Variants in CCT4 observed in about 807,000 individuals in gnomAD.
The protein encoded by CCT4 is T-complex protein 1 subunit delta.
In CCT4, 17 loss-of-function variants were observed where a neutral mutation model predicts 62.5. That is an observed-to-expected ratio of 0.27 (90% CI 0.19 to 0.41). The LOEUF (loss-of-function observed/expected upper bound fraction) is 0.41. CCT4 is among the 10% of genes least tolerant of loss of function. The pLI is 1.00. For missense variants in CCT4, 592 were observed against 659.2 expected (o/e 0.90, Z 1.12); for synonymous variants, 250 against 229.9 (o/e 1.09, Z -0.79).
intron 3 of CCT4, among the ~76,000 whole-genome samples, 190 bp from the exon 4 acceptor site, chr2:61,880,584 T>C (rs1669091265): frequency 6.6e-6 from 1 of 152,226 alleles, no homozygotes; most frequent in Non-Finnish European, 1.5e-5. Flanking sequence ...CCAGTTCAGA[T>C]TGTGGGTTGT....
Position 61,883,560 on chromosome 2 carries a change from A to C in CCT4, c.181-12T>G, listed in dbSNP as rs371430850. 1.6e-4 allele frequency: 225 copies of C among 1,400,754 alleles called. 2 individuals are homozygous for C. In the African/African-American group the frequency reaches 2.9e-3, roughly 18 times the overall value. 86.8% of individuals were successfully genotyped at this position (1,400,754 alleles called of 1,614,324 possible). ...TTTCCATCTTGAATCTAGAAAAAAA[A>C]TTTTAAAGTTATATTTCAATGTCAC... On this transcript the variant is annotated splice_polypyrimidine_tract_variant and intron_variant, in intron 2 of 13. Coordinates refer to ENST00000394440, the MANE Select transcript of CCT4 (RefSeq NM_006430.4).
intron 3 of CCT4, 94 bp from the exon 4 acceptor site, chr2:61,880,488 T>C: frequency 1.4e-6 from 1 of 723,360 alleles, no homozygotes; most frequent in Non-Finnish European, 2.4e-6. Flanking sequence ...ACAAACAGAA[T>C]TTGAAGATGC....
In CCT4 at chr2:61,880,354, T is replaced by C; in HGVS notation, c.311A>G (p.Asp104Gly). 2 of 1,607,054 alleles carry C rather than the reference T, an allele frequency of 1.2e-6. No homozygotes were observed. Among genetic ancestry groups the C allele is most frequent in the Non-Finnish European group, 1.7e-6 (2 of 1,178,036 alleles). The change falls in exon 4 of 14, where the codon GAT becomes GGT. Residue 104 changes from aspartate to glycine, a missense_variant. Asp to Gly is a moderately conservative substitution (Grantham distance 94). Around this residue, in one of 3 missense-constraint regions of CCT4, gnomAD observed 522 missense variants for 571.2 expected, o/e 0.91. Coordinates refer to ENST00000394440, the MANE Select transcript of CCT4 (RefSeq NM_006430.4). ...LSKAQDIEAG[D>G]GTTSVVIIAG... Reference sequence around the variant, plus strand: ...AATGATGACTACTGATGTGGTGCCATCTCCTGCTTCTATATCTTGAGCCTT... The same window carrying C: ...AATGATGACTACTGATGTGGTGCCACCTCCTGCTTCTATATCTTGAGCCTT...
chr2:61,886,984 C>T (rs1175608769), intron 1 of CCT4, among the ~76,000 whole-genome samples: 2 of 152,114 alleles, frequency 1.3e-5, no homozygotes, highest in Non-Finnish European at 2.9e-5. Context: ...GTCTTGAACT[C>T]CTGACCTCAT....
intron 9 of CCT4, 28 bp downstream of exon 9, chr2:61,873,169 T>G (rs546053203): frequency 1.4e-6 from 2 of 1,448,922 alleles, no homozygotes; most frequent in Middle Eastern, 1.7e-4. Context: ...TCAGACATTT[T>G]CCACAAATAC....
Position 61,883,773 on chromosome 2 carries a change from GACACACACACAC to G in CCT4, c.181-237_181-226del, listed in dbSNP as rs59031193. Among the ~76,000 whole-genome samples, 519 of 143,938 alleles carry G rather than the reference GACACACACACAC, an allele frequency of 3.6e-3. 5 individuals carry two copies. Among genetic ancestry groups the G allele is most frequent in the African/African-American group, 0.011 (441 of 39,152 alleles). 94.4% of individuals were successfully genotyped at this position (143,938 alleles called of 152,430 possible). A position where few individuals can be genotyped will look rare whatever the true frequency, so the allele number is the denominator to read the frequency against. On this transcript the variant is annotated intron_variant, in intron 2 of 13. Coordinates refer to ENST00000394440, the MANE Select transcript of CCT4 (RefSeq NM_006430.4). Reference sequence around the variant, plus strand: ...GGTAATCTAAAAGTGAAGAAATGTAGACACACACACACACACACACACACACACACACACACA... The same window carrying G: ...GGTAATCTAAAAGTGAAGAAATGTAGACACACACACACACACACACACACA...
rs190655756 is a variant in CCT4, at chr2:61,875,407, T to A, written c.917+688A>T. Among the ~76,000 whole-genome samples the A allele has an allele frequency of 2.0e-3, 295 of 150,884 alleles. 1 individual carries two copies. The highest frequency in any genetic ancestry group is 6.8e-3 in the African/African-American group (278 of 41,128). On this transcript the variant is annotated intron_variant, in intron 8 of 13. Transcript: ENST00000394440. Reference sequence around the variant, plus strand: ...TCCTGGCTAACATGGTAAAACCCCATCTCTACTCAAAAAATACAAAAAATT... The same window carrying A: ...TCCTGGCTAACATGGTAAAACCCCAACTCTACTCAAAAAATACAAAAAATT...
At position 61,876,317 on chromosome 2, in the gene CCT4, T is replaced by C. The variant is rs546404794; in HGVS notation, c.778-83A>G. 8.7e-6 allele frequency: 9 copies of C among 1,032,030 alleles called. No homozygotes were observed. In the South Asian group the frequency reaches 1.4e-4, roughly 16 times the overall value. 63.9% of individuals were successfully genotyped at this position (1,032,030 alleles called of 1,614,324 possible). On this transcript the variant is annotated intron_variant, in intron 7 of 13. Transcript: ENST00000394440. ...GAATTTTAAGCGAAAATACTATGTG[T>C]TGTATAAATTCAACCAAAACTATAT...
At chr2:61,884,940 G>A in intron 2 of CCT4, 80 bp downstream of exon 2, 1 of 1,241,224 alleles carries the variant, frequency 8.1e-7, no homozygotes, top group East Asian at 2.5e-5. Flanking sequence ...TTTTTAAACA[G>A]CACATCTAAC....
At chr2:61,871,192 T>C (rs1045222515) in intron 12 of CCT4, among the ~76,000 whole-genome samples, 7 of 151,936 alleles carry the variant, frequency 4.6e-5, no homozygotes, top group Non-Finnish European at 8.8e-5. Context: ...CCACTTCGCC[T>C]GGCTAATTTT....
In CCT4 at chr2:61,876,980, G is replaced by C; in HGVS notation, c.717C>G (p.Thr239=). The change falls in exon 7 of 14, where the codon ACC becomes ACG. Residue 239 remains threonine, a synonymous_variant. Transcript: ENST00000394440. ...LTQKVSNSGI[T]RVEKAKIGLI... ...GCCCAATCTTGGCCTTTTCAACTCT[G>C]GTTATGCCAGAATTTGACACTTTTT... 1.2e-6 allele frequency: 2 copies of C among 1,613,658 alleles called. No homozygotes were observed. The highest frequency in any genetic ancestry group is 1.7e-6 in the Non-Finnish European group (2 of 1,179,632).
intron 1 of CCT4, chr2:61,885,942 A>G (rs904317612): frequency 1.3e-5 from 2 of 152,332 alleles, no homozygotes; most frequent in Admixed American, 6.5e-5. Context: ...AGTATTTCAA[A>G]TTAGGAATGC....
In CCT4 at chr2:61,886,836, G is replaced by C. The variant is rs1456763316; in HGVS notation, c.127+1545C>G. On this transcript the variant is annotated intron_variant, in intron 1 of 13. Transcript: ENST00000394440. The stretch of plus-strand genomic sequence containing the variant: ...GTGCAATGGCGCGACGTCAGTTCAC[G>C]GCAACCTCCGCCTCCCAGGTTCAAG... Among the ~76,000 whole-genome samples, 4 of 151,480 alleles carry C rather than the reference G, an allele frequency of 2.6e-5. No homozygotes were observed. In the East Asian group the frequency reaches 7.8e-4, roughly 29 times the overall value.
chr2:61,878,419 AG>A (rs898379041), intron 5 of CCT4, among the ~76,000 whole-genome samples: 3 of 152,176 alleles, frequency 2.0e-5, no homozygotes, highest in South Asian at 2.1e-4. Flanking sequence ...TTACTCCTCT[AG>A]ATCTACTCTT....
chr2:61,888,635 G>A lies in CCT4; in HGVS notation c.-128C>T. The A allele has an allele frequency of 8.8e-7, 1 of 1,132,360 alleles. No individual in the cohort carries two copies. The highest frequency in any genetic ancestry group is 1.2e-6 in the Non-Finnish European group (1 of 826,526). 70.1% of individuals were successfully genotyped at this position (1,132,360 alleles called of 1,614,324 possible). ...CTTCCAGAAAGCGGCGCCGGCGTCG[G>A]GAGGAGGCGGAGGCGGAGAAGGGGG... On this transcript the variant is annotated 5_prime_UTR_variant, in exon 1 of 14. Transcript: ENST00000394440.
In CCT4 at chr2:61,872,568, A is replaced by G. The variant is rs897365971; in HGVS notation, c.1146T>C (p.Pro382=). 3.1e-6 allele frequency: 5 copies of G among 1,613,958 alleles called. No homozygotes were observed. The African/African-American group carries it at 5.3e-5, about 17-fold the overall frequency. ...KLLKITGCAS[P]GKTVTIVVRG... is the part of the protein sequence containing the mutation. ...GAACAACAATTGTAACTGTTTTTCCAGGGCTGGCACAGCCTGTAATCTTCA... is the reference window on the plus strand; with the variant it reads ...GAACAACAATTGTAACTGTTTTTCCGGGGCTGGCACAGCCTGTAATCTTCA... The change falls in exon 11 of 14, where the codon CCT becomes CCC. Residue 382 remains proline (P), a synonymous_variant. Coordinates refer to ENST00000394440, the MANE Select transcript of CCT4 (RefSeq NM_006430.4).
rs773497885 is a variant in CCT4, at chr2:61,877,031, C to T, written c.666G>A (p.Glu222=). 1 of 1,613,664 alleles carries T rather than the reference C, an allele frequency of 6.2e-7. No individual in the cohort carries two copies. Among genetic ancestry groups the T allele is most frequent in the South Asian group, 1.1e-5 (1 of 91,050 alleles). ...GGGTGAGAACCAGCCCTTCCACCAA[C>T]TCACAGTCATCAATTGTCCCACTAA... ...KKLGGTIDDC[E]LVEGLVLTQK... The change falls in exon 7 of 14, where the codon GAG becomes GAA. Residue 222 remains glutamate (E), a synonymous_variant. Transcript: ENST00000394440.
intron 10 of CCT4, 65 bp downstream of exon 10, chr2:61,872,934 GAAA>G: frequency 1.1e-6 from 1 of 942,276 alleles, no homozygotes; most frequent in Non-Finnish European, 1.7e-6. Context: ...CTCAAAAAAA[GAAA>G]AAAAACAACC....
chr2:61,886,366 C>CA (rs931827386), intron 1 of CCT4, among the ~76,000 whole-genome samples: 100 of 152,158 alleles, frequency 6.6e-4, no homozygotes, highest in Non-Finnish European at 1.3e-3. Context: ...GAGCAGAGAT[C>CA]ACACCACTGC....
Sources: allele counts gnomAD v4.1 joint callset (sites outside exome capture counted in the v4.1 genomes callset), GRCh38; gene constraint gnomAD v4.1.1; regional missense constraint gnomAD v4.1.1; transcripts MANE v1.5; gene names NCBI Gene and HGNC (gene_info 2026-07-23, HGNC 2026-07-21).